The following ADAMTS15 variants were observed in gnomAD, a reference collection of about 807,000 sequenced individuals.
ADAMTS15 encodes the protein ADAM metallopeptidase with thrombospondin type 1 motif 15.
Under a neutral mutation model 79.1 loss-of-function variants are expected in ADAMTS15, and 35 were observed. The ratio of observed to expected loss-of-function variants is 0.44; its 90% CI spans 0.34 to 0.59. The LOEUF (loss-of-function observed/expected upper bound fraction) is 0.59. Ranked by LOEUF, ADAMTS15 falls within the 20% of genes least tolerant of loss-of-function variation. The pLI is 0.02. For missense variants in ADAMTS15, 1,324 were observed against 1,318.7 expected, an observed-to-expected ratio of 1.00 and a Z score of -0.06; for synonymous variants, 616 against 567.3, an observed-to-expected ratio of 1.09 and a Z score of -1.22.
Position 130,449,755 on chromosome 11 carries a change from C to G in ADAMTS15, c.782C>G (p.Pro261Arg). ...RLYRHPSILN[P>R]INIVVVKVLL... Reference sequence around the variant, plus strand: ...TACCGCCATCCCAGCATCCTCAACCCCATCAACATCGTTGTGGTCAAGGTG... The same window carrying G: ...TACCGCCATCCCAGCATCCTCAACCGCATCAACATCGTTGTGGTCAAGGTG... Residue 261 changes from proline (P) to arginine (R), a missense_variant, in exon 1 of 8, where the codon CCC (proline) becomes CGC (arginine). By Grantham distance (103) the Pro-to-Arg change is moderately radical. Coordinates refer to ENST00000299164, the MANE Select transcript of ADAMTS15 (RefSeq NM_139055.4). The surrounding 1 kb of genome is among the most constrained non-coding windows in gnomAD (Gnocchi z 7.8). The G allele has an allele frequency of 3.1e-6, 5 of 1,612,842 alleles. No homozygotes were observed. Among genetic ancestry groups the G allele is most frequent in the Non-Finnish European group, 4.2e-6 (5 of 1,180,010 alleles).
In ADAMTS15 at chr11:130,473,285, C is replaced by T. The variant is rs759711415; in HGVS notation, c.2317C>T (p.Arg773Trp). 44 of 1,613,190 alleles carry T rather than the reference C, an allele frequency of 2.7e-5. No homozygotes were observed. The highest frequency in any genetic ancestry group is 2.1e-4 in the South Asian group (19 of 91,082). The change falls in exon 8 of 8, where the codon CGG becomes TGG. Residue 773 changes from arginine to tryptophan, a missense_variant. Arg to Trp is a moderately radical substitution (Grantham distance 101). Transcript: ENST00000299164. Reference sequence around the variant, plus strand: ...AGCGGTGGAGAGCCTGCAGGCTTCCCGGCCCATCCTGGAGCCGCTGACCGT... The same window carrying T: ...AGCGGTGGAGAGCCTGCAGGCTTCCTGGCCCATCCTGGAGCCGCTGACCGT... ...GTAVESLQAS[R>W]PILEPLTVEV...
chr11:130,473,096 G>A lies in ADAMTS15; in HGVS notation c.2128G>A (p.Asp710Asn), dbSNP rs1440774847. Reference sequence around the variant, plus strand: ...CATCCCCGCAGGCGCCTCAAGCATCGACATCCGCCAGCGCGGTTACAAAGG... The same window carrying A: ...CATCCCCGCAGGCGCCTCAAGCATCAACATCCGCCAGCGCGGTTACAAAGG... ...VAIPAGASSI[D>N]IRQRGYKGLI... is the part of the protein sequence containing the mutation. Residue 710 changes from aspartate (D) to asparagine (N), a missense_variant, in exon 8 of 8, where the codon GAC (aspartate) becomes AAC (asparagine). Physicochemically the swap from Asp to Asn is conservative, Grantham distance 23. Transcript: ENST00000299164. 2 of 1,613,930 alleles carry A rather than the reference G, an allele frequency of 1.2e-6. No homozygotes were observed. Among genetic ancestry groups the A allele is most frequent in the South Asian group, 2.2e-5 (2 of 91,068 alleles).
At chr11:130,471,468 TGG>T in intron 7 of ADAMTS15, 85 bp downstream of exon 7, 1 of 1,483,284 alleles carries the variant, frequency 6.7e-7, no homozygotes, top group Non-Finnish European at 9.0e-7. Context: ...TGGGTTAGAC[TGG>T]GGTAAATGTC....
At position 130,449,224 on chromosome 11, in the gene ADAMTS15, T is replaced by A. The variant is rs1364496175; in HGVS notation, c.251T>A (p.Leu84Gln). ...GCTCCCGCCTTCTCCACTGAGCATC[T>A]GGGCGTCCCCCTCCAGGGGCTCACC... ...FLAPAFSTEHLGVPLQGLTGG... is the reference protein window; with the variant it reads ...FLAPAFSTEHQGVPLQGLTGG... Residue 84 changes from leucine (L) to glutamine (Q), a missense_variant, in exon 1 of 8, where the codon CTG (leucine) becomes CAG (glutamine). Leu to Gln is a moderately radical substitution (Grantham distance 113, BLOSUM62 -2). Transcript: ENST00000299164. This position sits in a 1 kb window ranked among gnomAD's most constrained non-coding sequence, Gnocchi z 7.8. The A allele has an allele frequency of 8.7e-6, 14 of 1,614,034 alleles. No homozygotes were observed. The highest frequency in any genetic ancestry group is 1.2e-5 in the Non-Finnish European group (14 of 1,180,016).
rs761963189 is a variant in ADAMTS15 at position 130,473,430 on chromosome 11, T to A, written c.2462T>A (p.Leu821Ter). The change falls in exon 8 of 8, where the codon TTG (leucine) becomes TAG (stop). Residue 821 changes from leucine to a stop codon, truncating the protein, a stop_gained. Coordinates refer to ENST00000299164, the MANE Select transcript of ADAMTS15 (RefSeq NM_139055.4). LOFTEE classifies it high-confidence loss of function. The stretch of plus-strand genomic sequence containing the variant: ...AAGGACCCCCGGGGACCCTCTGTCT[T>A]GCACAACAGCGTCCTCAGCCTCTCC... The part of the protein sequence containing the change: ...HPKDPRGPSV[L>*]HNSVLSLSNQ... 6.2e-7 allele frequency: 1 copy of A among 1,612,752 alleles called. No homozygotes were observed. Among genetic ancestry groups the A allele is most frequent in the East Asian group, 2.2e-5 (1 of 44,878 alleles).
At position 130,473,345 on chromosome 11, in the gene ADAMTS15, C is replaced by T. The variant is rs775776542; in HGVS notation, c.2377C>T (p.Arg793Trp). The change falls in exon 8 of 8, where the codon CGG (arginine) becomes TGG (tryptophan). Residue 793 changes from arginine (R) to tryptophan (W), a missense_variant. Physicochemically the swap from Arg to Trp is moderately radical, Grantham distance 101. Transcript: ENST00000299164. ...VLSVGKMTPP[R>W]VRYSFYLPKE... The stretch of plus-strand genomic sequence containing the variant: ...CTCCGTGGGGAAGATGACACCGCCC[C>T]GGGTCCGCTACTCCTTCTATCTGCC... The T allele has an allele frequency of 5.6e-6, 9 of 1,612,778 alleles. No individual in the cohort carries two copies. The highest frequency in any genetic ancestry group is 1.1e-5 in the South Asian group (1 of 91,090).
chr11:130,457,621 TAGGAATACCTACA>T (rs1938113904), intron 1 of ADAMTS15, among the ~76,000 whole-genome samples: 1 of 152,100 alleles, frequency 6.6e-6, no homozygotes, highest in South Asian at 2.1e-4. Context: ...GGGGCTGGGT[TAGGAATACCTACA>T]CCTTCTGGGA....
At chr11:130,461,060 G>A (rs1410563543) in intron 1 of ADAMTS15, among the ~76,000 whole-genome samples, 7 of 152,196 alleles carry the variant, frequency 4.6e-5, no homozygotes, top group Non-Finnish European at 2.9e-5. Flanking sequence ...AAAGACCGAG[G>A]CTGCTCGAAG....
Position 130,473,310 on chromosome 11 carries a change from T to G in ADAMTS15, c.2342T>G (p.Val781Gly), listed in dbSNP as rs779739420. 6.2e-7 allele frequency: 1 copy of G among 1,613,090 alleles called. No individual in the cohort carries two copies. The highest frequency in any genetic ancestry group is 8.5e-7 in the Non-Finnish European group (1 of 1,179,980). ...ASRPILEPLT[V>G]EVLSVGKMTP... ...CGGCCCATCCTGGAGCCGCTGACCG[T>G]GGAGGTCCTCTCCGTGGGGAAGATG... Residue 781 changes from valine to glycine, a missense_variant, in exon 8 of 8, where the codon GTG becomes GGG. Physicochemically the swap from Val to Gly is moderately radical, Grantham distance 109. Transcript: ENST00000299164.
At chr11:130,464,793 C>T (rs1018291905) in intron 4 of ADAMTS15, among the ~76,000 whole-genome samples, 3 of 151,870 alleles carry the variant, frequency 2.0e-5, no homozygotes, top group East Asian at 3.9e-4. Flanking sequence ...ATGGCAAAAC[C>T]CCATGTCTGC....
chr11:130,461,419 C>T, intron 1 of ADAMTS15, 70 bp from the exon 2 acceptor site: 18 of 1,606,536 alleles, frequency 1.1e-5, no homozygotes, highest in Non-Finnish European at 1.5e-5. Flanking sequence ...GATGTCCTTT[C>T]TTCCCTTCAG....
rs748892611 is a variant in ADAMTS15 at position 130,449,537 on chromosome 11, G to C, written c.564G>C (p.Leu188=). ...GGAACCCCGCCATCCTACGGGCCCT[G>C]GACCCTTACAAGCCGCGGCGGGCGG... is the stretch of plus-strand genomic sequence containing the variant. ...SGWNPAILRA[L]DPYKPRRAGF... is the part of the protein sequence containing the mutation. Residue 188 remains leucine (L), a synonymous_variant, in exon 1 of 8, where the codon CTG becomes CTC. Transcript: ENST00000299164. This position sits in a 1 kb window ranked among gnomAD's most constrained non-coding sequence, Gnocchi z 7.8. 5.7e-6 allele frequency: 9 copies of C among 1,575,724 alleles called. No individual in the cohort carries two copies. The South Asian group carries it at 1.1e-4, about 19-fold the overall frequency.
chr11:130,464,088 G>A (rs1938256812), intron 4 of ADAMTS15, among the ~76,000 whole-genome samples: 1 of 152,214 alleles, frequency 6.6e-6, no homozygotes, highest in African/African-American at 2.4e-5. Flanking sequence ...GGCTCTATGG[G>A]AACCATCTTC....
In ADAMTS15 at chr11:130,462,224, A is replaced by T. The variant is rs1171451322; in HGVS notation, c.1228A>T (p.Ile410Phe). 1.2e-6 allele frequency: 2 copies of T among 1,613,954 alleles called. No individual in the cohort carries two copies. Among genetic ancestry groups the T allele is most frequent in the East Asian group, 2.2e-5 (1 of 44,890 alleles). ...CCCCTGGTCAGCCTGCAGTGCTGCC[A>T]TCATCACCGACTTCCTGGACAGCGG... ...ANPWSACSAA[I>F]ITDFLDSGHG... The change falls in exon 3 of 8, where the codon ATC becomes TTC. Residue 410 changes from isoleucine to phenylalanine, a missense_variant. Ile to Phe is a conservative substitution (Grantham distance 21). Transcript: ENST00000299164. The surrounding 1 kb of genome is among the most constrained non-coding windows in gnomAD (Gnocchi z 4.3).
chr11:130,476,141 G>A lies in ADAMTS15; in HGVS notation c.*2320G>A, dbSNP rs913313479. 1 of 152,292 alleles carries A rather than the reference G, an allele frequency of 6.6e-6. No individual in the cohort carries two copies. Among genetic ancestry groups the A allele is most frequent in the South Asian group, 2.1e-4 (1 of 4,816 alleles). 9.4% of individuals were successfully genotyped at this position (152,292 alleles called of 1,614,324 possible). ...TTGACTATTTCCTTAATCCAACCAT[G>A]CTCTCGAGGGCTGAGCAGAGACTAG... On this transcript the variant is annotated 3_prime_UTR_variant, in exon 8 of 8. Transcript: ENST00000299164.
chr11:130,473,588 A>G lies in ADAMTS15; in HGVS notation c.2620A>G (p.Thr874Ala), dbSNP rs766229852. 6.2e-7 allele frequency: 1 copy of G among 1,607,202 alleles called. No homozygotes were observed. The highest frequency in any genetic ancestry group is 1.1e-5 in the South Asian group (1 of 90,786). The change falls in exon 8 of 8, where the codon ACG becomes GCG. Residue 874 changes from threonine (T) to alanine (A), a missense_variant. Physicochemically the swap from Thr to Ala is moderately conservative, Grantham distance 58. Transcript: ENST00000299164. ...CTGCCGGGGCTCCGCCGGGCAGCGC[A>G]CGGTCCCTGCCTGTGATGCAGCCCA... ...VDCRGSAGQR[T>A]VPACDAAHRP...
intron 5 of ADAMTS15, among the ~76,000 whole-genome samples, chr11:130,470,150 A>ACGTGTATATATATATATATATT: frequency 1.9e-5 from 1 of 53,182 alleles, no homozygotes; most frequent in East Asian, 4.6e-4. Flanking sequence ...ATATATATAT[A>ACGTGTATATATATATATATATT]TGTGTATATA....
At chr11:130,466,709 C>T (rs1289006862) in intron 4 of ADAMTS15, among the ~76,000 whole-genome samples, 1 of 152,186 alleles carries the variant, frequency 6.6e-6, no homozygotes, top group Non-Finnish European at 1.5e-5. Flanking sequence ...TTGGAATGCA[C>T]CTTAGGTTAT....
rs1461143441 is a variant in ADAMTS15, at chr11:130,470,152, GTGTATATATATA to G, written c.1720+715_1720+726del. The stretch of plus-strand genomic sequence containing the variant: ...TATATACATATATATATATATATAT[GTGTATATATATA>G]TATATATATATATATATGTGTGTAT... On this transcript the variant is annotated intron_variant, in intron 5 of 7. Coordinates refer to ENST00000299164, the MANE Select transcript of ADAMTS15 (RefSeq NM_139055.4). Among the ~76,000 whole-genome samples, 205 of 73,686 alleles carry G rather than the reference GTGTATATATATA, an allele frequency of 2.8e-3. 4 individuals carry two copies. The highest frequency in any genetic ancestry group is 6.8e-3 in the Middle Eastern group (1 of 146). 48.3% of individuals were successfully genotyped at this position (73,686 alleles called of 152,430 possible).
Sources: allele counts gnomAD v4.1 joint callset (sites outside exome capture counted in the v4.1 genomes callset), GRCh38; gene constraint gnomAD v4.1.1; non-coding constraint Gnocchi (gnomAD v3.1); transcripts MANE v1.5; gene names NCBI Gene and HGNC (gene_info 2026-07-23, HGNC 2026-07-21).